Variants in FREM3 observed in about 807,000 individuals in gnomAD.
The protein encoded by FREM3 is FRAS1-related extracellular matrix protein 3.
In FREM3, 105 loss-of-function variants were observed where a neutral mutation model predicts 129.1. The ratio of observed to expected loss-of-function variants is 0.81; its 90% CI spans 0.69 to 0.96. The LOEUF (loss-of-function observed/expected upper bound fraction) is 0.96. Ranked by LOEUF, FREM3 falls within the 40% of genes least tolerant of loss-of-function variation. FREM3 has a pLI of 0.00. For synonymous variants in FREM3, 1,014 were observed against 1,044.9 expected, an observed-to-expected ratio of 0.97 and a Z score of 0.57; for missense variants, 2,593 against 2,666.3, an observed-to-expected ratio of 0.97 and a Z score of 0.61.
intron 4 of FREM3, among the ~76,000 whole-genome samples, chr4:143,622,534 A>G (rs1738970040): frequency 6.6e-6 from 1 of 151,602 alleles, no homozygotes; most frequent in Admixed American, 6.6e-5. Context: ...GCTTCAGCAG[A>G]TATAAGTATC....
intron 2 of FREM3, among the ~76,000 whole-genome samples, chr4:143,653,000 A>G (rs1739538761): frequency 6.6e-6 from 1 of 152,216 alleles, no homozygotes; most frequent in Admixed American, 6.5e-5. Flanking sequence ...TGATACTAGA[A>G]TGCAGCAAAT....
chr4:143,592,268 T>A (rs894134844), intron 6 of FREM3, among the ~76,000 whole-genome samples: 1 of 152,218 alleles, frequency 6.6e-6, no homozygotes, highest in African/African-American at 2.4e-5. Flanking sequence ...TATGTGTGAA[T>A]TTGATCCTGT....
At chr4:143,695,457 G>A (rs1740546801) in intron 1 of FREM3, 34 bp downstream of exon 1, 3 of 1,485,268 alleles carry the variant, frequency 2.0e-6, no homozygotes, top group African/African-American at 2.8e-5. Flanking sequence ...ATGAAGGAGA[G>A]GGACAGAATA....
chr4:143,608,650 G>C (rs780032362), intron 6 of FREM3, among the ~76,000 whole-genome samples: 1 of 151,998 alleles, frequency 6.6e-6, no homozygotes, highest in Non-Finnish European at 1.5e-5. Flanking sequence ...TAATTATCTG[G>C]GTAAAATTAT....
chr4:143,624,992 T>C (rs1429067557), intron 3 of FREM3, among the ~76,000 whole-genome samples: 1 of 152,150 alleles, frequency 6.6e-6, no homozygotes, highest in African/African-American at 2.4e-5. Flanking sequence ...AGGCAATTAG[T>C]GCAATGTTGG....
intron 2 of FREM3, among the ~76,000 whole-genome samples, chr4:143,630,105 T>A (rs1045572557): frequency 6.6e-6 from 1 of 152,158 alleles, no homozygotes; most frequent in African/African-American, 2.4e-5. Context: ...TATGAGCCAT[T>A]TGATCATGAA....
chr4:143,660,233 T>C (rs1384645243), intron 2 of FREM3, among the ~76,000 whole-genome samples: 2 of 151,722 alleles, frequency 1.3e-5, no homozygotes, highest in African/African-American at 2.4e-5. Flanking sequence ...CATTTAAGTC[T>C]TTAATCCATC....
rs148385396 is a variant in FREM3, at chr4:143,608,883, T to C, written c.6028+2396A>G. Among the ~76,000 whole-genome samples, 337 of 152,262 alleles carry C rather than the reference T, an allele frequency of 2.2e-3. 2 individuals carry two copies. Among genetic ancestry groups the C allele is most frequent in the African/African-American group, 7.6e-3 (318 of 41,586 alleles). Reference sequence around the variant, plus strand: ...CTTGCTTCACTAATTAACTCTCTTTTTTACCTGGCTTGTTTAGAGCAAAAC... The same window carrying C: ...CTTGCTTCACTAATTAACTCTCTTTCTTACCTGGCTTGTTTAGAGCAAAAC... On this transcript the variant is annotated intron_variant, in intron 6 of 7. Transcript: ENST00000329798.
At chr4:143,648,885 C>T (rs1440274426) in intron 2 of FREM3, among the ~76,000 whole-genome samples, 1 of 152,142 alleles carries the variant, frequency 6.6e-6, no homozygotes, top group Non-Finnish European at 1.5e-5. Context: ...CCTCAGCCTC[C>T]TGAGGATCTG....
At chr4:143,689,294 A>C (rs1314799757) in intron 2 of FREM3, among the ~76,000 whole-genome samples, 2 of 152,184 alleles carry the variant, frequency 1.3e-5, no homozygotes, top group East Asian at 3.9e-4. Flanking sequence ...ATCACTAATA[A>C]TCAGGGAAAT....
chr4:143,615,252 A>T (rs1738823735), intron 5 of FREM3, among the ~76,000 whole-genome samples: 1 of 152,250 alleles, frequency 6.6e-6, no homozygotes, highest in South Asian at 2.1e-4. Context: ...ATCTCCTGAT[A>T]GTCAGCCTGG....
chr4:143,675,137 G>T (rs1378698012), intron 2 of FREM3, among the ~76,000 whole-genome samples: 2 of 152,154 alleles, frequency 1.3e-5, no homozygotes, highest in Admixed American at 6.5e-5. Context: ...CACATAGTTG[G>T]AAGTAAAGCA....
At chr4:143,590,554 A>T (rs1205258834) in intron 6 of FREM3, among the ~76,000 whole-genome samples, 1 of 152,116 alleles carries the variant, frequency 6.6e-6, no homozygotes, top group Non-Finnish European at 1.5e-5. Flanking sequence ...TGATTTTTGT[A>T]TGTTGAACCA....
rs548592017 is a variant in FREM3 at position 143,585,877 on chromosome 4, G to A, written c.6145C>T (p.Arg2049Cys). Residue 2049 changes from arginine to cysteine, a missense_variant, in exon 7 of 8, where the codon CGC becomes TGC. This residue lies in a region of FREM3 where 317 missense variants were observed against 399.0 expected (regional missense o/e 0.79). Coordinates refer to ENST00000329798, the MANE Select transcript of FREM3 (RefSeq NM_001168235.2). The surrounding 1 kb of genome is among the most constrained non-coding windows in gnomAD (Gnocchi z 4.2). ...GACTCCTGCTCTGACTTTCTGGAGC[G>A]CACGGCGATGGATGATGGTTGGGAA... ...DLSQPSSIAV[R>C]SRKSEQESAE... The A allele has an allele frequency of 9.1e-6, 14 of 1,537,204 alleles. No individual in the cohort carries two copies. In the African/African-American group the frequency reaches 1.1e-4, roughly 12 times the overall value.
At position 143,696,605 on chromosome 4, in the gene FREM3, C is replaced by T. The variant is rs1189562846; in HGVS notation, c.4071G>A (p.Arg1357=). Reference sequence around the variant, plus strand: ...TCACTTCTCCTCTGGGTTTTCTCAGCCTCTGTAGAAGCCCTTGTTGAGGCC... The same window carrying T: ...TCACTTCTCCTCTGGGTTTTCTCAGTCTCTGTAGAAGCCCTTGTTGAGGCC... ...HSGPQQGLLQ[R]LRKPRGEVRN... Residue 1357 remains arginine (R), a synonymous_variant, in exon 1 of 8, where the codon AGG becomes AGA. Transcript: ENST00000329798. 2.6e-6 allele frequency: 4 copies of T among 1,537,686 alleles called. No homozygotes were observed. The East Asian group carries it at 7.3e-5, about 28-fold the overall frequency.
intron 2 of FREM3, among the ~76,000 whole-genome samples, chr4:143,643,171 T>G (rs559485457): frequency 7.6e-4 from 116 of 152,162 alleles, no homozygotes; most frequent in Non-Finnish European, 1.4e-3. Context: ...GGTAGGAATA[T>G]AAAGTAGTAC....
At chr4:143,672,869 T>C (rs1258037320) in intron 2 of FREM3, among the ~76,000 whole-genome samples, 1 of 152,216 alleles carries the variant, frequency 6.6e-6, no homozygotes, top group African/African-American at 2.4e-5. Context: ...TACCCTTTCT[T>C]CCAGTTGATC....
At chr4:143,681,389 A>G (rs1229291843) in intron 2 of FREM3, among the ~76,000 whole-genome samples, 1 of 152,154 alleles carries the variant, frequency 6.6e-6, no homozygotes, top group Non-Finnish European at 1.5e-5. Context: ...GAAAATTTTC[A>G]ATATAAATCT....
At chr4:143,623,661 T>C (rs1376905612) in intron 4 of FREM3, among the ~76,000 whole-genome samples, 1 of 151,992 alleles carries the variant, frequency 6.6e-6, no homozygotes, top group Non-Finnish European at 1.5e-5. Flanking sequence ...ATATTATGTA[T>C]AATAATAACA....
Sources: gnomAD v4.1 joint callset for allele counts (sites outside exome capture counted in the v4.1 genomes callset) on GRCh38, gnomAD v4.1.1 for gene constraint, gnomAD v4.1.1 regional missense constraint, Gnocchi (gnomAD v3.1) non-coding constraint, MANE v1.5 for transcripts, NCBI Gene and HGNC (gene_info 2026-07-23, HGNC 2026-07-21) for gene names.